DNAH12: variants seen among roughly 807,000 people sequenced by gnomAD.
DNAH12 encodes the protein dynein axonemal heavy chain 12, also known as axonemal beta dynein heavy chain 12.
In DNAH12, 285 loss-of-function variants were observed where a neutral mutation model predicts 371.5. The ratio of observed to expected loss-of-function variants is 0.77; its 90% CI spans 0.70 to 0.85. DNAH12 has a LOEUF of 0.85. Ranked by LOEUF, DNAH12 falls within the 40% of genes least tolerant of loss-of-function variation. The pLI is 0.00. For missense variants in DNAH12, 3,611 were observed against 3,689.4 expected (o/e 0.98, Z 0.55); for synonymous variants, 1,200 against 1,213.0 (o/e 0.99, Z 0.22).
rs1324796263 is a variant in DNAH12 at position 57,377,143 on chromosome 3, C to G, written c.8303G>C (p.Arg2768Thr). ...ATGTTCTACTTCTGCCAGTTCTGCT[C>G]TCTTCTGATTCAAAAGCTCCATTGT... ...AETMELLNQK[R>T]AELAEVEHHL... The change falls in exon 53 of 74, where the codon AGA becomes ACA. Residue 2768 changes from arginine (R) to threonine (T), a missense_variant. Coordinates refer to ENST00000495027, the MANE Select transcript of DNAH12 (RefSeq NM_001366028.2). 6.6e-6 allele frequency: 1 copy of G among 152,148 alleles called. No individual in the cohort carries two copies. Among genetic ancestry groups the G allele is most frequent in the Non-Finnish European group, 1.5e-5 (1 of 68,010 alleles). 9.4% of individuals were successfully genotyped at this position (152,148 alleles called of 1,614,324 possible). A position where few individuals can be genotyped will look rare whatever the true frequency, so the allele number is the denominator to read the frequency against.
chr3:57,483,716 C>T (rs1420142333), intron 12 of DNAH12, among the ~76,000 whole-genome samples: 2 of 151,492 alleles, frequency 1.3e-5, no homozygotes, highest in Non-Finnish European at 2.9e-5. Flanking sequence ...AAGGCCAAGG[C>T]AGGCAGATCA....
intron 57 of DNAH12, among the ~76,000 whole-genome samples, chr3:57,366,086 T>A (rs2063046115): frequency 6.6e-6 from 1 of 152,030 alleles, no homozygotes; most frequent in East Asian, 1.9e-4. Flanking sequence ...AGATAGGATG[T>A]CAACACAAGA....
In DNAH12 at chr3:57,323,156, C is replaced by A; in HGVS notation, c.10234G>T (p.Ala3412Ser). 1 of 1,552,426 alleles carries A rather than the reference C, an allele frequency of 6.4e-7. No homozygotes were observed. The highest frequency in any genetic ancestry group is 2.4e-5 in the East Asian group (1 of 40,930). Reference protein sequence around the residue: ...GPIAAKMIKAAIEEGTWVCLQ... With the variant: ...GPIAAKMIKASIEEGTWVCLQ... ...CACACCCAAGTTCCTTCTTCAATTG[C>A]TGCTTTAATCATTTTTGCTGCAATC... The change falls in exon 64 of 74, where the codon GCA (alanine) becomes TCA (serine). Residue 3412 changes from alanine (A) to serine (S), a missense_variant. Physicochemically the swap from Ala to Ser is moderately conservative, Grantham distance 99. Transcript: ENST00000495027.
chr3:57,420,925 AAAAAAG>A (rs1351614903), intron 36 of DNAH12, among the ~76,000 whole-genome samples: 1 of 151,190 alleles, frequency 6.6e-6, no homozygotes, highest in African/African-American at 2.4e-5. Context: ...AAAAAAAAAA[AAAAAAG>A]AAAGAAATAA....
chr3:57,394,089 A>G (rs1393958854), intron 44 of DNAH12, 82 bp downstream of exon 44: 2 of 152,180 alleles, frequency 1.3e-5, no homozygotes, highest in Admixed American at 6.5e-5. Flanking sequence ...TGTACAAACT[A>G]TATTTATCCT....
intron 29 of DNAH12, 33 bp downstream of exon 29, chr3:57,444,664 T>C (rs567939249): frequency 7.1e-6 from 11 of 1,544,840 alleles, no homozygotes; most frequent in South Asian, 6.1e-5. Flanking sequence ...GAATTTATTA[T>C]GCCGAATAAG....
chr3:57,453,992 C>T (rs567827670), intron 23 of DNAH12, among the ~76,000 whole-genome samples: 2 of 152,058 alleles, frequency 1.3e-5, no homozygotes, highest in East Asian at 3.9e-4. Context: ...TGCCTGTGGT[C>T]CTAGCAATTC....
At chr3:57,549,363 G>A in the DNAH12 span, among the ~76,000 whole-genome samples, 4 of 151,638 alleles carry the variant, frequency 2.6e-5, no homozygotes, top group Admixed American at 6.6e-5. Context: ...CAAAAAATAC[G>A]AAAATTAGCC....
At chr3:57,415,311 GA>G (rs766991942) in intron 38 of DNAH12, 114 bp downstream of exon 38, 6 of 1,359,376 alleles carry the variant, frequency 4.4e-6, no homozygotes, top group Non-Finnish European at 5.9e-6. Flanking sequence ...CCAAACATTT[GA>G]AAGTTTTAAA....
intron 35 of DNAH12, among the ~76,000 whole-genome samples, chr3:57,421,958 G>C (rs1198890442): frequency 7.4e-6 from 1 of 135,630 alleles, no homozygotes; most frequent in Admixed American, 7.8e-5. Context: ...CCAGGCTGGA[G>C]TACAGTGGCA....
At chr3:57,360,955 G>T (rs962747028) in intron 58 of DNAH12, among the ~76,000 whole-genome samples, 2 of 152,048 alleles carry the variant, frequency 1.3e-5, no homozygotes, top group Non-Finnish European at 2.9e-5. Flanking sequence ...ACCTTTCTGG[G>T]CCCTAGTTTC....
At chr3:57,363,174 G>C (rs1184442263) in intron 58 of DNAH12, among the ~76,000 whole-genome samples, 3 of 151,972 alleles carry the variant, frequency 2.0e-5, no homozygotes, top group African/African-American at 4.8e-5. Context: ...ACAAGAAATG[G>C]GGAAAGGATT....
chr3:57,477,245 C>G (rs745786308), intron 13 of DNAH12, among the ~76,000 whole-genome samples: 3 of 152,146 alleles, frequency 2.0e-5, no homozygotes, highest in Non-Finnish European at 4.4e-5. Flanking sequence ...GCTTTTCCAA[C>G]GGGTTTAGCA....
At chr3:57,513,006 G>T (rs768877517) in intron 4 of DNAH12, among the ~76,000 whole-genome samples, 2 of 152,034 alleles carry the variant, frequency 1.3e-5, no homozygotes, top group Non-Finnish European at 2.9e-5. Flanking sequence ...AGGCGTGGTG[G>T]CAGGCACCTG....
intron 47 of DNAH12, among the ~76,000 whole-genome samples, chr3:57,385,757 C>T (rs1306391505): frequency 5.9e-5 from 9 of 152,142 alleles, no homozygotes; most frequent in African/African-American, 2.2e-4. Context: ...CAGCATGTGC[C>T]TGTAATCCCA....
At chr3:57,429,334 G>A (rs1429735442) in intron 33 of DNAH12, among the ~76,000 whole-genome samples, 13 of 152,030 alleles carry the variant, frequency 8.6e-5, no homozygotes, top group African/African-American at 3.1e-4. Flanking sequence ...GCACCACCAT[G>A]CCTGGCTAAT....
chr3:57,295,528 G>A lies in DNAH12; in HGVS notation c.11689C>T (p.Pro3897Ser). ...FDLMPIIWIKPTQKSRIIKSD... is the reference protein window; with the variant it reads ...FDLMPIIWIKSTQKSRIIKSD... ...ATTTTGTTGAGAGAATATTTACTTG[G>A]TTTTATCCATATGATGGGCATCAGG... Residue 3897 changes from proline (P) to serine (S), a missense_variant, in exon 73 of 74, where the codon CCA (proline) becomes TCA (serine). By Grantham distance (74) the Pro-to-Ser change is moderately conservative. Coordinates refer to ENST00000495027, the MANE Select transcript of DNAH12 (RefSeq NM_001366028.2). The A allele has an allele frequency of 1.3e-6, 2 of 1,547,182 alleles. No homozygotes were observed. The highest frequency in any genetic ancestry group is 2.4e-5 in the South Asian group (2 of 83,128).
chr3:57,344,752 A>G (rs1272940961), intron 60 of DNAH12, among the ~76,000 whole-genome samples: 1 of 152,222 alleles, frequency 6.6e-6, no homozygotes, highest in East Asian at 1.9e-4. Context: ...TTGATTTCAT[A>G]GAAGTAAAAA....
chr3:57,546,224 C>G (rs572183900), upstream of DNAH12, among the ~76,000 whole-genome samples: 34 of 152,268 alleles, frequency 2.2e-4, no homozygotes, highest in African/African-American at 8.2e-4. Flanking sequence ...TCATAGGGGG[C>G]ACCCCATTCA....
Sources: allele counts gnomAD v4.1 joint callset (sites outside exome capture counted in the v4.1 genomes callset), GRCh38; gene constraint gnomAD v4.1.1; transcripts MANE v1.5; gene names NCBI Gene and HGNC (gene_info 2026-07-23, HGNC 2026-07-21).